APBB2: variants seen among roughly 807,000 people sequenced by gnomAD.
APBB2 encodes Fe65-like 1.
Under a neutral mutation model 82.5 loss-of-function variants are expected in APBB2, and 38 were observed. That is an observed-to-expected ratio of 0.46 (90% CI 0.36 to 0.60). The LOEUF is 0.60. Ranked by LOEUF, APBB2 falls within the 20% of genes least tolerant of loss-of-function variation. The probability of loss-of-function intolerance (pLI) is 0.00; values close to 1 mark genes in which losing one functional copy is unlikely to be tolerated. For synonymous variants in APBB2, 341 were observed against 368.2 expected, an observed-to-expected ratio of 0.93 and a Z score of 0.85; for missense variants, 772 against 972.3, an observed-to-expected ratio of 0.79 and a Z score of 2.74.
rs10694468 is a variant in APBB2, at chr4:41,000,105, G to GTGTGTATA, written c.835+13477_835+13478insTATACACA. On this transcript the variant is annotated intron_variant, in intron 6 of 17. Transcript: ENST00000508593. ...TGTGTGTGTGTGTGTGTGTGTGTGT[G>GTGTGTATA]TATAAATTAGCCAGGTGTGGTGGTG... Among the ~76,000 whole-genome samples, 4 of 135,156 alleles carry GTGTGTATA rather than the reference G, an allele frequency of 3.0e-5. No homozygotes were observed. In the East Asian group the frequency reaches 6.9e-4, roughly 23 times the overall value. The allele number at this position is 135,156 out of a possible 152,430, so 88.7% of individuals were successfully genotyped here. A position where few individuals can be genotyped will look rare whatever the true frequency, so the allele number is the denominator to read the frequency against.
intron 12 of APBB2, among the ~76,000 whole-genome samples, chr4:40,868,951 C>A (rs1029504482): frequency 6.6e-6 from 1 of 152,170 alleles, no homozygotes; most frequent in Non-Finnish European, 1.5e-5. Context: ...AATCACCATG[C>A]TTACGAACTA....
At chr4:41,032,319 T>A (rs7681666) in intron 5 of APBB2, among the ~76,000 whole-genome samples, 6,964 of 152,256 alleles carry the variant, frequency 0.046, 339 homozygotes, top group African/African-American at 0.12. Context: ...ATGAAATGTT[T>A]CTGCAATTGC....
At chr4:40,949,481 T>C (rs1222785067) in intron 6 of APBB2, among the ~76,000 whole-genome samples, 1 of 151,360 alleles carries the variant, frequency 6.6e-6, no homozygotes, top group Non-Finnish European at 1.5e-5. Flanking sequence ...AACAGTGGGG[T>C]CAAGTTATCG....
intron 6 of APBB2, among the ~76,000 whole-genome samples, chr4:40,963,015 G>A (rs1793694562): frequency 2.0e-5 from 3 of 152,258 alleles, no homozygotes; most frequent in Admixed American, 2.0e-4. Context: ...TTACACTACA[G>A]AAATACTTTG....
intron 10 of APBB2, among the ~76,000 whole-genome samples, chr4:40,895,795 T>C (rs1280082305): frequency 1.3e-5 from 2 of 152,122 alleles, no homozygotes; most frequent in Admixed American, 1.3e-4. Context: ...CCACCTCTAT[T>C]CAAATGTCAA....
At chr4:41,180,839 G>T (rs1045056209) in intron 1 of APBB2, among the ~76,000 whole-genome samples, 8 of 152,058 alleles carry the variant, frequency 5.3e-5, no homozygotes, top group Non-Finnish European at 1.5e-5. Flanking sequence ...AGCTTCTCCT[G>T]TATTAAATCC....
intron 10 of APBB2, among the ~76,000 whole-genome samples, chr4:40,897,818 CT>C (rs1774123458): frequency 6.6e-6 from 1 of 152,128 alleles, no homozygotes; most frequent in Non-Finnish European, 1.5e-5. Flanking sequence ...ACCACCACCA[CT>C]TTCCCTTAAA....
chr4:41,094,809 C>T (rs1437423820), intron 3 of APBB2, among the ~76,000 whole-genome samples: 1 of 152,122 alleles, frequency 6.6e-6, no homozygotes, highest in Non-Finnish European at 1.5e-5. Context: ...AAGTGACCTG[C>T]CTGCTTTGGC....
intron 6 of APBB2, among the ~76,000 whole-genome samples, chr4:40,982,387 G>GGA (rs1553894022): frequency 2.7e-4 from 3 of 11,030 alleles, no homozygotes; most frequent in African/African-American, 5.1e-4. Flanking sequence ...AGGAAGGAAG[G>GGA]AAGGAAAGGA....
At chr4:41,047,246 A>G (rs1312055025) in intron 4 of APBB2, among the ~76,000 whole-genome samples, 1 of 152,210 alleles carries the variant, frequency 6.6e-6, no homozygotes, top group Non-Finnish European at 1.5e-5. Flanking sequence ...GTTCTCCTAT[A>G]AGGTCTAAGG....
At chr4:41,131,633 G>A (rs1261548120) in intron 2 of APBB2, among the ~76,000 whole-genome samples, 1 of 152,068 alleles carries the variant, frequency 6.6e-6, no homozygotes, top group Non-Finnish European at 1.5e-5. Context: ...AAGGAGATAT[G>A]GCAAAAATAA....
At chr4:41,021,388 GA>G (rs928020270) in intron 5 of APBB2, among the ~76,000 whole-genome samples, 1 of 152,196 alleles carries the variant, frequency 6.6e-6, no homozygotes, top group Non-Finnish European at 1.5e-5. Flanking sequence ...GTCGAGTGGG[GA>G]CTTGGAGAAC....
At chr4:40,871,359 G>A (rs981533874) in intron 12 of APBB2, among the ~76,000 whole-genome samples, 4 of 151,568 alleles carry the variant, frequency 2.6e-5, no homozygotes, top group African/African-American at 4.8e-5. Context: ...TGGCCAGGCT[G>A]GTCTCGAACT....
intron 2 of APBB2, among the ~76,000 whole-genome samples, chr4:41,101,716 T>C (rs1026044552): frequency 1.3e-5 from 2 of 151,966 alleles, no homozygotes; most frequent in Non-Finnish European, 2.9e-5. Flanking sequence ...TCCCAGCACT[T>C]TGGGAGGCCC....
At chr4:40,986,059 A>AT (rs1800340497) in intron 6 of APBB2, among the ~76,000 whole-genome samples, 1 of 152,130 alleles carries the variant, frequency 6.6e-6, no homozygotes, top group Non-Finnish European at 1.5e-5. Flanking sequence ...ACAGATCACA[A>AT]TTTTCAAACT....
intron 10 of APBB2, among the ~76,000 whole-genome samples, chr4:40,897,679 G>A (rs1214005433): frequency 6.6e-6 from 1 of 152,172 alleles, no homozygotes; most frequent in Non-Finnish European, 1.5e-5. Context: ...TTAAGTGAGA[G>A]GAAACAGGTG....
At chr4:40,998,960 C>T (rs1014301158) in intron 6 of APBB2, among the ~76,000 whole-genome samples, 4 of 152,166 alleles carry the variant, frequency 2.6e-5, no homozygotes, top group Middle Eastern at 3.4e-3. Context: ...CTACCGAGAA[C>T]GGTGTGCAGC....
intron 10 of APBB2, among the ~76,000 whole-genome samples, chr4:40,921,027 A>G (rs1781125318): frequency 6.6e-6 from 1 of 152,124 alleles, no homozygotes; most frequent in South Asian, 2.1e-4. Context: ...AAGCCACCGA[A>G]CCCTCTGTGC....
intron 5 of APBB2, 58 bp from the exon 6 acceptor site, chr4:41,014,456 G>T: frequency 6.9e-7 from 1 of 1,457,360 alleles, no homozygotes; most frequent in Non-Finnish European, 9.5e-7. Flanking sequence ...AGTATACAGT[G>T]TGAGTAAATA....
Sources: allele counts gnomAD v4.1 joint callset (sites outside exome capture counted in the v4.1 genomes callset), GRCh38; gene constraint gnomAD v4.1.1; transcripts MANE v1.5; gene names NCBI Gene and HGNC (gene_info 2026-07-23, HGNC 2026-07-21).